The following PTPRD variants were observed in gnomAD, a reference collection of about 807,000 sequenced individuals.
The protein encoded by PTPRD is receptor-type tyrosine-protein phosphatase delta.
Under a neutral mutation model 214.5 loss-of-function variants are expected in PTPRD, and 34 were observed. The observed-to-expected ratio is 0.16, with a 90% CI of 0.12 to 0.21. The LOEUF is 0.21. Among genes scored for constraint, PTPRD ranks in the 10% least tolerant of loss-of-function variants. PTPRD has a pLI of 1.00. For synonymous variants in PTPRD, 1,128 were observed against 845.7 expected (o/e 1.33, Z -5.79); for missense variants, 2,545 against 2,398.7 (o/e 1.06, Z -1.27).
At chr9:9,419,130 C>CAT (rs2077896972) in intron 8 of PTPRD, among the ~76,000 whole-genome samples, 1 of 144,370 alleles carries the variant, frequency 6.9e-6, no homozygotes, top group African/African-American at 2.6e-5. Flanking sequence ...GCCCCTTATA[C>CAT]ACACACACAC....
chr9:8,697,633 G>C (rs1226531312), intron 12 of PTPRD, among the ~76,000 whole-genome samples: 1 of 148,944 alleles, frequency 6.7e-6, no homozygotes, highest in Non-Finnish European at 1.5e-5. Flanking sequence ...ATGTTGGCCA[G>C]GCTAGTCTCG....
intron 9 of PTPRD, among the ~76,000 whole-genome samples, chr9:9,205,754 T>C (rs1446242870): frequency 6.6e-6 from 1 of 152,190 alleles, no homozygotes; most frequent in East Asian, 1.9e-4. Context: ...ATTCACCCAT[T>C]TATAAAAAAT....
intron 5 of PTPRD, among the ~76,000 whole-genome samples, chr9:9,824,139 C>G (rs1202257115): frequency 2.0e-5 from 3 of 151,416 alleles, no homozygotes; most frequent in African/African-American, 7.3e-5. Flanking sequence ...TTGTTTAGAC[C>G]TGGACCCTTA....
At chr9:10,040,066 A>T (rs1045270445) in intron 3 of PTPRD, among the ~76,000 whole-genome samples, 5 of 152,074 alleles carry the variant, frequency 3.3e-5, no homozygotes, top group African/African-American at 1.2e-4. Flanking sequence ...AAGTGAGGAT[A>T]GGACTGGAAT....
At chr9:8,954,071 T>C (rs887789225) in intron 11 of PTPRD, among the ~76,000 whole-genome samples, 6 of 151,916 alleles carry the variant, frequency 3.9e-5, no homozygotes, top group Non-Finnish European at 5.9e-5. Context: ...CTATTCACAA[T>C]AGGAAAAACT....
At chr9:9,424,601 C>T (rs765889235) in intron 8 of PTPRD, among the ~76,000 whole-genome samples, 48 of 152,076 alleles carry the variant, frequency 3.2e-4, no homozygotes, top group Middle Eastern at 3.4e-3. Flanking sequence ...GCCAATTATG[C>T]AATGGAGAAA....
At chr9:10,583,374 G>A (rs1476532144) in intron 2 of PTPRD, among the ~76,000 whole-genome samples, 2 of 151,966 alleles carry the variant, frequency 1.3e-5, no homozygotes, top group Non-Finnish European at 2.9e-5. Context: ...GTTTCTTGGA[G>A]GATATTGGGC....
intron 30 of PTPRD, among the ~76,000 whole-genome samples, chr9:8,474,694 G>A (rs779433376): frequency 1.1e-4 from 16 of 152,038 alleles, no homozygotes; most frequent in African/African-American, 3.1e-4. Context: ...AACCCTGGAC[G>A]TTCAAACCAC....
At chr9:8,734,975 C>T (rs2089800811) in intron 11 of PTPRD, among the ~76,000 whole-genome samples, 1 of 152,056 alleles carries the variant, frequency 6.6e-6, no homozygotes, top group African/African-American at 2.4e-5. Context: ...CTTTGGAAAA[C>T]CTGAGTTTCC....
At chr9:8,396,504 G>C (rs1454303121) in intron 36 of PTPRD, among the ~76,000 whole-genome samples, 1 of 151,104 alleles carries the variant, frequency 6.6e-6, no homozygotes, top group Non-Finnish European at 1.5e-5. Flanking sequence ...AAGCTGCATA[G>C]ATGTACAATT....
intron 5 of PTPRD, among the ~76,000 whole-genome samples, chr9:9,857,518 G>A (rs957299753): frequency 6.6e-6 from 1 of 152,036 alleles, no homozygotes; most frequent in Non-Finnish European, 1.5e-5. Flanking sequence ...TCTGCACACG[G>A]TGCATTTCTA....
At chr9:9,973,561 CACTT>C (rs1171352391) in intron 4 of PTPRD, among the ~76,000 whole-genome samples, 1 of 152,046 alleles carries the variant, frequency 6.6e-6, no homozygotes, top group Non-Finnish European at 1.5e-5. Flanking sequence ...ATTCCTCACT[CACTT>C]TAGCATTCTA....
intron 3 of PTPRD, among the ~76,000 whole-genome samples, chr9:10,255,609 A>T (rs2093195584): frequency 6.8e-6 from 1 of 147,588 alleles, no homozygotes; most frequent in Admixed American, 6.8e-5. Flanking sequence ...GCTACAGAAA[A>T]TGTATACAAA....
chr9:9,105,607 G>A (rs1434784108), intron 10 of PTPRD, among the ~76,000 whole-genome samples: 1 of 152,140 alleles, frequency 6.6e-6, no homozygotes, highest in East Asian at 1.9e-4. Context: ...CAAGATTAGA[G>A]GTGACTGAGT....
At chr9:8,556,811 G>A (rs1593645144) in intron 14 of PTPRD, among the ~76,000 whole-genome samples, 1 of 152,092 alleles carries the variant, frequency 6.6e-6, no homozygotes, top group South Asian at 2.1e-4. Flanking sequence ...TGGTAAGGAG[G>A]CTAAAAGAGA....
chr9:9,906,538 T>C (rs2077612617), intron 5 of PTPRD, among the ~76,000 whole-genome samples: 1 of 151,980 alleles, frequency 6.6e-6, no homozygotes, highest in African/African-American at 2.4e-5. Context: ...CCAAAATAAA[T>C]GCTTAATAAA....
At chr9:9,942,881 C>G (rs552172373) in intron 4 of PTPRD, among the ~76,000 whole-genome samples, 2 of 146,502 alleles carry the variant, frequency 1.4e-5, no homozygotes, top group Non-Finnish European at 3.0e-5. Flanking sequence ...GTCAGCAAAA[C>G]ATTGCTCTGA....
chr9:9,591,693 A>C (rs758834892), intron 7 of PTPRD, among the ~76,000 whole-genome samples: 4 of 152,068 alleles, frequency 2.6e-5, no homozygotes, highest in Non-Finnish European at 4.4e-5. Context: ...TTTAATTGAC[A>C]CATAAGTGTG....
intron 4 of PTPRD, among the ~76,000 whole-genome samples, chr9:10,001,201 T>C (rs184907213): frequency 2.2e-4 from 33 of 152,156 alleles, no homozygotes; most frequent in African/African-American, 7.5e-4. Context: ...CGGATCTGTA[T>C]CAATTTGACA....
Sources: allele counts gnomAD v4.1 joint callset (sites outside exome capture counted in the v4.1 genomes callset), GRCh38; gene constraint gnomAD v4.1.1; transcripts MANE v1.5; gene names NCBI Gene and HGNC (gene_info 2026-07-23, HGNC 2026-07-21).